The following NRK variants were observed in gnomAD, a reference collection of about 807,000 sequenced individuals.
NRK encodes nik-related protein kinase.
A neutral mutation model predicts 125.2 loss-of-function variants in NRK; 67 were observed. The ratio of observed to expected loss-of-function variants is 0.54; its 90% confidence interval spans 0.44 to 0.66. The LOEUF (loss-of-function observed/expected upper bound fraction) is 0.66. Among genes scored for constraint, NRK ranks in the 30% least tolerant of loss-of-function variants. The probability of loss-of-function intolerance (pLI) is 0.00; values close to 1 mark genes in which losing one functional copy is unlikely to be tolerated. For missense variants in NRK, 1,224 were observed against 1,192.9 expected (o/e 1.03, Z -0.38); for synonymous variants, 458 against 429.0 (o/e 1.07, Z -0.84).
intron 9 of NRK, among the ~76,000 whole-genome samples, chrX:105,902,453 AATT>A (rs768667966): frequency 9.8e-5 from 11 of 112,321 alleles, no homozygotes; most frequent in Non-Finnish European, 1.5e-4. Flanking sequence ...AGGTTATGAT[AATT>A]ATTATCTCAT....
chrX:105,892,576 A>G (rs951846827), intron 5 of NRK, among the ~76,000 whole-genome samples: 1 of 111,885 alleles, frequency 8.9e-6, no homozygotes, highest in Admixed American at 9.5e-5. Flanking sequence ...TCCAGGGTTT[A>G]TGTTAGTTGA....
chrX:105,852,591 T>A (rs890757563), intron 2 of NRK, among the ~76,000 whole-genome samples: 7 of 111,711 alleles, frequency 6.3e-5, no homozygotes, highest in African/African-American at 1.6e-4. Context: ...TTTGGCCATC[T>A]AATAGAGGGA....
In NRK at chrX:105,945,860, A is replaced by C; in HGVS notation, c.4060-12A>C. Reference sequence around the variant, plus strand: ...TAGGTTAACATGTCTGGCCCTTTTCATTCCCTACCAAGTATGCATTGATCA... The same window carrying C: ...TAGGTTAACATGTCTGGCCCTTTTCCTTCCCTACCAAGTATGCATTGATCA... On this transcript the variant is annotated splice_polypyrimidine_tract_variant and intron_variant, in intron 24 of 28. Coordinates refer to ENST00000243300, the MANE Select transcript of NRK (RefSeq NM_198465.4). The C allele has an allele frequency of 8.3e-7, 1 of 1,203,456 alleles. No homozygotes were observed. Among genetic ancestry groups the C allele is most frequent in the Non-Finnish European group, 1.1e-6 (1 of 889,133 alleles).
intron 20 of NRK, among the ~76,000 whole-genome samples, chrX:105,934,886 T>C (rs1471979673): frequency 3.6e-5 from 4 of 111,956 alleles, no homozygotes; most frequent in Admixed American, 9.5e-5. Context: ...TCATGGTACA[T>C]GGTAGCCTCA....
At chrX:105,930,987 A>C (rs763068671) in intron 19 of NRK, among the ~76,000 whole-genome samples, 1 of 112,098 alleles carries the variant, frequency 8.9e-6, no homozygotes, top group South Asian at 3.7e-4. Context: ...TTTGCCCTCC[A>C]GTGTTGAGCT....
intron 23 of NRK, among the ~76,000 whole-genome samples, chrX:105,940,989 A>G (rs1456801320): frequency 8.9e-6 from 1 of 111,787 alleles, no homozygotes; most frequent in Admixed American, 9.5e-5. Flanking sequence ...TACCCAGATA[A>G]TTTAAGCATT....
intron 4 of NRK, among the ~76,000 whole-genome samples, chrX:105,885,935 C>A (rs1194215710): frequency 9.0e-6 from 1 of 111,539 alleles, no homozygotes; most frequent in Non-Finnish European, 1.9e-5. Flanking sequence ...TTCCATCATT[C>A]TTTTAAAATA....
At chrX:105,862,011 C>T (rs1235005180) in intron 2 of NRK, among the ~76,000 whole-genome samples, 1 of 111,839 alleles carries the variant, frequency 8.9e-6, no homozygotes, top group African/African-American at 3.3e-5. Context: ...TGCAGTGAGC[C>T]GAGATTGCGC....
chrX:105,832,468 C>T (rs926349266), intron 2 of NRK, among the ~76,000 whole-genome samples: 1 of 110,975 alleles, frequency 9.0e-6, no homozygotes, highest in Admixed American at 9.6e-5. Context: ...TGTTCTTTTT[C>T]CCCAGGCCTG....
chrX:105,901,401 A>G (rs1009970163), intron 9 of NRK, among the ~76,000 whole-genome samples: 9 of 111,675 alleles, frequency 8.1e-5, no homozygotes, highest in African/African-American at 2.3e-4. Flanking sequence ...TTAGTACCTA[A>G]AATCCAAAAG....
intron 2 of NRK, among the ~76,000 whole-genome samples, chrX:105,833,375 A>G (rs1464750613): frequency 9.0e-6 from 1 of 111,328 alleles, no homozygotes; most frequent in Non-Finnish European, 1.9e-5. Context: ...AGATACCTAC[A>G]TCTTATACAT....
At chrX:105,826,204 T>C (rs184560382) in intron 1 of NRK, among the ~76,000 whole-genome samples, 4,810 of 89,214 alleles carry the variant, frequency 0.054, 424 homozygotes, top group African/African-American at 0.2. Context: ...TATATTATCA[T>C]ATATATAATA....
At chrX:105,940,090 G>A in intron 23 of NRK, 58 bp downstream of exon 23, 1 of 848,884 alleles carries the variant, frequency 1.2e-6, no homozygotes, top group South Asian at 2.4e-5. Flanking sequence ...TTCATTTGGT[G>A]AACTACATAA....
At chrX:105,905,988 C>G (rs1310202585) in intron 10 of NRK, among the ~76,000 whole-genome samples, 1 of 111,843 alleles carries the variant, frequency 8.9e-6, no homozygotes, top group Non-Finnish European at 1.9e-5. Context: ...TTTTAACATC[C>G]TATTTTTGGA....
chrX:105,886,421 AATTATAT>A (rs1025524483), intron 4 of NRK, among the ~76,000 whole-genome samples: 2 of 105,222 alleles, frequency 1.9e-5, no homozygotes, highest in African/African-American at 6.8e-5. Flanking sequence ...ATATATACAT[AATTATAT>A]ATTATATATA....
At chrX:105,946,195 A>G (rs2040810466) in intron 25 of NRK, 120 bp from the exon 26 acceptor site, 10 of 763,673 alleles carry the variant, frequency 1.3e-5, no homozygotes, top group Middle Eastern at 6.7e-4. Flanking sequence ...ACAATATGCC[A>G]TTTTAAAAAT....
intron 4 of NRK, among the ~76,000 whole-genome samples, chrX:105,882,979 T>A (rs948515274): frequency 2.2e-4 from 25 of 112,445 alleles, no homozygotes; most frequent in African/African-American, 7.8e-4. Context: ...GATTCTAGAA[T>A]TGGATGAAAT....
chrX:105,825,105 GT>G (rs1280980612), intron 1 of NRK, among the ~76,000 whole-genome samples: 2 of 111,697 alleles, frequency 1.8e-5, no homozygotes, highest in African/African-American at 6.5e-5. Flanking sequence ...AAAAGTTATT[GT>G]TGCTTTGGTC....
chrX:105,911,991 GGAAAA>G (rs765903288), intron 13 of NRK, among the ~76,000 whole-genome samples: 4 of 111,016 alleles, frequency 3.6e-5, no homozygotes, highest in Non-Finnish European at 5.7e-5. Flanking sequence ...AAAATATAAA[GGAAAA>G]GAAAATTATT....
Sources: gnomAD v4.1 joint callset for allele counts (sites outside exome capture counted in the v4.1 genomes callset) on GRCh38, gnomAD v4.1.1 for gene constraint, MANE v1.5 for transcripts, NCBI Gene and HGNC (gene_info 2026-07-23, HGNC 2026-07-21) for gene names.